Variants in VAV3 observed in about 807,000 individuals in gnomAD.
The protein encoded by VAV3 is guanine nucleotide exchange factor VAV3.
VAV3 carries 94 observed loss-of-function variants against 131.2 expected under a neutral mutation model. The ratio of observed to expected loss-of-function variants is 0.72; its 90% CI spans 0.61 to 0.85. VAV3 has a LOEUF of 0.85. VAV3 is among the 40% of genes least tolerant of loss of function. The pLI is 0.00. For missense variants in VAV3, 939 were observed against 1,002.7 expected (o/e 0.94, Z 0.86); for synonymous variants, 349 against 342.0 (o/e 1.02, Z -0.22).
At chr1:107,737,116 A>G (rs904439074) in intron 15 of VAV3, among the ~76,000 whole-genome samples, 1 of 152,230 alleles carries the variant, frequency 6.6e-6, no homozygotes, top group Non-Finnish European at 1.5e-5. Flanking sequence ...AGGATTCCCT[A>G]TTTAATAAAT....
At chr1:107,879,923 C>T (rs1218921504) in intron 1 of VAV3, among the ~76,000 whole-genome samples, 1 of 152,150 alleles carries the variant, frequency 6.6e-6, no homozygotes, top group Non-Finnish European at 1.5e-5. Flanking sequence ...TCATGAGGTG[C>T]CTCTTATGCA....
intron 15 of VAV3, among the ~76,000 whole-genome samples, chr1:107,730,141 G>A (rs1473706321): frequency 6.6e-6 from 1 of 152,202 alleles, no homozygotes; most frequent in Non-Finnish European, 1.5e-5. Flanking sequence ...ACATGGTTTA[G>A]ATAACCACTT....
In VAV3 at chr1:107,938,764, T is replaced by A. The variant is rs954102171; in HGVS notation, c.204+25902A>T. Among the ~76,000 whole-genome samples, 4 of 152,210 alleles carry A rather than the reference T, an allele frequency of 2.6e-5. No homozygotes were observed. In the South Asian group the frequency reaches 6.2e-4, roughly 24 times the overall value. The stretch of plus-strand genomic sequence containing the variant: ...AATGTACTGGGCATTTAATGAGCAC[T>A]TACAGAACAAAAGAACAATGAAAAA... On this transcript the variant is annotated intron_variant, in intron 1 of 26. Coordinates refer to ENST00000370056, the MANE Select transcript of VAV3 (RefSeq NM_006113.5).
intron 15 of VAV3, among the ~76,000 whole-genome samples, chr1:107,743,581 T>C (rs895402131): frequency 3.9e-5 from 6 of 152,224 alleles, no homozygotes; most frequent in Non-Finnish European, 5.9e-5. Context: ...TCCCTCATTG[T>C]TATTTGCCCA....
chr1:107,574,963 C>CTGTGTGTGTG (rs753834313), intron 25 of VAV3, among the ~76,000 whole-genome samples: 6 of 81,178 alleles, frequency 7.4e-5, no homozygotes, highest in African/African-American at 2.7e-4. Context: ...TTGAGTTTCT[C>CTGTGTGTGTG]TGTGTGTGTG....
chr1:107,725,382 T>A (rs1429615217), intron 15 of VAV3, among the ~76,000 whole-genome samples: 1 of 152,090 alleles, frequency 6.6e-6, no homozygotes, highest in Non-Finnish European at 1.5e-5. Flanking sequence ...TCCACAGAGA[T>A]GGTGATAACA....
chr1:107,692,703 G>A (rs910298296), intron 17 of VAV3, among the ~76,000 whole-genome samples: 3 of 152,136 alleles, frequency 2.0e-5, no homozygotes, highest in African/African-American at 4.8e-5. Context: ...CCACAGCAAC[G>A]TCCTTCCAAT....
intron 15 of VAV3, among the ~76,000 whole-genome samples, chr1:107,742,924 C>T (rs180797810): frequency 3.8e-4 from 58 of 152,136 alleles, no homozygotes; most frequent in African/African-American, 9.9e-4. Flanking sequence ...GAGAGATCTC[C>T]CTCACAAAGT....
chr1:107,830,987 TA>T (rs1337399369), intron 2 of VAV3, among the ~76,000 whole-genome samples: 1 of 152,244 alleles, frequency 6.6e-6, no homozygotes, highest in Non-Finnish European at 1.5e-5. Context: ...TCACTATAAG[TA>T]AAGCTCAGAT....
chr1:107,798,908 A>T lies in VAV3; in HGVS notation c.322-19416T>A, dbSNP rs4915075. Among the ~76,000 whole-genome samples the T allele has an allele frequency of 7.3e-3, 1,114 of 152,150 alleles. 48 individuals carry two copies. The East Asian group carries it at 0.12, about 17-fold the overall frequency. On this transcript the variant is annotated intron_variant, in intron 2 of 26. Coordinates refer to ENST00000370056, the MANE Select transcript of VAV3 (RefSeq NM_006113.5). ...AGAAGAAGATTTTTTTAATGCAAAG[A>T]TGCTTTTAGAGTTGTACAACAAGCA...
At chr1:107,882,130 G>A (rs345291) in intron 1 of VAV3, among the ~76,000 whole-genome samples, 8,754 of 152,162 alleles carry the variant, frequency 0.058, 780 homozygotes, top group African/African-American at 0.19. Flanking sequence ...AATCTCTACA[G>A]CTTATTGTGA....
chr1:107,630,727 T>G (rs1272717293), intron 20 of VAV3, among the ~76,000 whole-genome samples: 1 of 152,166 alleles, frequency 6.6e-6, no homozygotes, highest in African/African-American at 2.4e-5. Flanking sequence ...AAAGTACATG[T>G]CTTCTTTGAG....
At chr1:107,810,954 G>C (rs1283495531) in intron 2 of VAV3, among the ~76,000 whole-genome samples, 1 of 152,074 alleles carries the variant, frequency 6.6e-6, no homozygotes, top group Non-Finnish European at 1.5e-5. Flanking sequence ...AGGTCAAAAA[G>C]TGGTAAGAAA....
At chr1:107,688,130 A>T (rs1468320633) in intron 18 of VAV3, among the ~76,000 whole-genome samples, 1 of 152,170 alleles carries the variant, frequency 6.6e-6, no homozygotes, top group Non-Finnish European at 1.5e-5. Flanking sequence ...TTACAGTCCC[A>T]TTTCATACAC....
In VAV3 at chr1:107,628,531, C is replaced by T. The variant is rs563771488; in HGVS notation, c.1915-10899G>A. Among the ~76,000 whole-genome samples, 23 of 152,288 alleles carry T rather than the reference C, an allele frequency of 1.5e-4. No homozygotes were observed. In the East Asian group the frequency reaches 4.4e-3, roughly 29 times the overall value. On this transcript the variant is annotated intron_variant, in intron 20 of 26. Transcript: ENST00000370056. ...AGAAATGCTTCCTTCCTCCTGAGAA[C>T]CTCCAAGTTCTCTCTAAGCTCAACT... is the stretch of plus-strand genomic sequence containing the variant.
chr1:107,718,210 A>G (rs924500404), intron 15 of VAV3, among the ~76,000 whole-genome samples: 1 of 152,170 alleles, frequency 6.6e-6, no homozygotes, highest in Non-Finnish European at 1.5e-5. Flanking sequence ...TGGCCAGGGC[A>G]ATCAAGCAAG....
intron 1 of VAV3, among the ~76,000 whole-genome samples, chr1:107,915,788 A>G (rs1672587187): frequency 6.6e-6 from 1 of 152,152 alleles, no homozygotes; most frequent in South Asian, 2.1e-4. Flanking sequence ...ATTTACTGCA[A>G]TGCATCTTTA....
At chr1:107,639,754 G>C (rs1171341036) in intron 20 of VAV3, among the ~76,000 whole-genome samples, 1 of 152,020 alleles carries the variant, frequency 6.6e-6, no homozygotes, top group East Asian at 1.9e-4. Flanking sequence ...GAATAGCCTG[G>C]GCAACTTAGC....
intron 20 of VAV3, among the ~76,000 whole-genome samples, chr1:107,619,904 A>T (rs1462728797): frequency 6.6e-6 from 1 of 152,146 alleles, no homozygotes; most frequent in African/African-American, 2.4e-5. Flanking sequence ...CCCCTCATGT[A>T]AATTGATACC....
Sources: allele counts gnomAD v4.1 joint callset (sites outside exome capture counted in the v4.1 genomes callset), GRCh38; gene constraint gnomAD v4.1.1; transcripts MANE v1.5; gene names NCBI Gene and HGNC (gene_info 2026-07-23, HGNC 2026-07-21).